The following ZNF33A variants were observed in gnomAD, a reference collection of about 807,000 sequenced individuals.
The protein encoded by ZNF33A is brain my041 protein.
ZNF33A carries 9 observed loss-of-function variants against 15.9 expected under a neutral mutation model. The ratio of observed to expected loss-of-function variants is 0.57; its 90% CI spans 0.34 to 0.99. The LOEUF (loss-of-function observed/expected upper bound fraction) is 0.99, where lower values mean the gene tolerates loss of function less well. ZNF33A is among the 50% of genes least tolerant of loss of function. The pLI is 0.02. For missense variants in ZNF33A, 843 were observed against 941.6 expected, an observed-to-expected ratio of 0.90 and a Z score of 1.37; for synonymous variants, 294 against 324.2, an observed-to-expected ratio of 0.91 and a Z score of 1.00.
chr10:38,061,568 A>G (rs2066654047), downstream of ZNF33A, among the ~76,000 whole-genome samples: 1 of 152,000 alleles, frequency 6.6e-6, no homozygotes, highest in African/African-American at 2.4e-5. Context: ...GCCACAGACT[A>G]CATGACCTTA....
chr10:38,026,833 C>T (rs772088438), intron 4 of ZNF33A, among the ~76,000 whole-genome samples: 6 of 152,148 alleles, frequency 3.9e-5, no homozygotes, highest in African/African-American at 1.4e-4. Flanking sequence ...CAGAAACTGT[C>T]GCCATTAAGC....
chr10:38,011,653 T>C (rs1274960211), intron 1 of ZNF33A, among the ~76,000 whole-genome samples: 1 of 152,204 alleles, frequency 6.6e-6, no homozygotes, highest in African/African-American at 2.4e-5. Flanking sequence ...TTTTTTTGTT[T>C]GTTAAGGTCA....
In ZNF33A at chr10:38,054,555, C is replaced by G; in HGVS notation, c.431C>G (p.Ser144Ter). The G allele has an allele frequency of 6.2e-7, 1 of 1,612,074 alleles. No homozygotes were observed. The highest frequency in any genetic ancestry group is 2.2e-5 in the East Asian group (1 of 44,832). The change falls in exon 5 of 5, where the codon TCA becomes TGA. Residue 144 changes from serine (S) to a stop codon, truncating the protein, a stop_gained. Transcript: ENST00000432900. LOFTEE classifies it low-confidence loss of function (END_TRUNC). ...PSRKMFCQCD[S>*]CGMSFNTVSE... ...AGAAAAATGTTCTGTCAGTGTGATTCATGTGGAATGAGTTTCAACACTGTT... is the reference window on the plus strand; with the variant it reads ...AGAAAAATGTTCTGTCAGTGTGATTGATGTGGAATGAGTTTCAACACTGTT...
chr10:38,066,864 G>A (rs1316900982), downstream of ZNF33A, among the ~76,000 whole-genome samples: 1 of 152,084 alleles, frequency 6.6e-6, no homozygotes, highest in African/African-American at 2.4e-5. Context: ...CCTGGGAGGT[G>A]GAGGTTGTAG....
At chr10:38,036,720 C>A (rs1263898401) in intron 4 of ZNF33A, among the ~76,000 whole-genome samples, 1 of 152,164 alleles carries the variant, frequency 6.6e-6, no homozygotes, top group Non-Finnish European at 1.5e-5. Context: ...TACTCAACAT[C>A]TCATTGGAAA....
chr10:38,063,384 A>G (rs192008177), downstream of ZNF33A, among the ~76,000 whole-genome samples: 1,007 of 152,340 alleles, frequency 6.6e-3, 16 homozygotes, highest in Non-Finnish European at 6.2e-3. Context: ...GAGGAGACAG[A>G]CAAAGACAAC....
At chr10:38,046,157 G>A (rs1413105650) in intron 4 of ZNF33A, among the ~76,000 whole-genome samples, 1 of 152,214 alleles carries the variant, frequency 6.6e-6, no homozygotes, top group East Asian at 1.9e-4. Context: ...ATTTGAAGCT[G>A]TAGGGGTTGA....
Position 38,054,720 on chromosome 10 carries a change from C to T in ZNF33A, c.596C>T (p.Thr199Ile), listed in dbSNP as rs141771287. The change falls in exon 5 of 5, where the codon ACA becomes ATA. Residue 199 changes from threonine to isoleucine, a missense_variant. Thr to Ile is a moderately conservative substitution (Grantham distance 89, BLOSUM62 -1). Coordinates refer to ENST00000432900, the MANE Select transcript of ZNF33A (RefSeq NM_006954.2). ...EKNEVLKNRN[T>I]LSHHEETLQH... ...AATGAAGTTTTGAAAAATAGGAACA[C>T]ACTGAGTCATCATGAGGAGACTTTG... is the stretch of plus-strand genomic sequence containing the variant. 2.0e-4 allele frequency: 326 copies of T among 1,613,714 alleles called. No individual in the cohort carries two copies. Among genetic ancestry groups the T allele is most frequent in the Non-Finnish European group, 2.6e-4 (311 of 1,179,968 alleles).
rs2064251618 is a variant in ZNF33A at position 38,012,716 on chromosome 10, G to T, written c.9+366G>T. ...CAAAGTGCTGGGATTACAAGCGTGA[G>T]GCACCGTGTCTGGCCAAGAGTCAAT... is the stretch of plus-strand genomic sequence containing the variant. On this transcript the variant is annotated intron_variant, in intron 2 of 4. Transcript: ENST00000432900. Among the ~76,000 whole-genome samples, 4 of 152,174 alleles carry T rather than the reference G, an allele frequency of 2.6e-5. No homozygotes were observed. The South Asian group carries it at 8.3e-4, about 32-fold the overall frequency.
downstream of ZNF33A, among the ~76,000 whole-genome samples, chr10:38,061,251 T>C (rs1312199319): frequency 6.6e-6 from 1 of 152,238 alleles, no homozygotes; most frequent in East Asian, 1.9e-4. Flanking sequence ...TAACAAGGCA[T>C]TCAGGAAGGG....
intron 4 of ZNF33A, among the ~76,000 whole-genome samples, chr10:38,044,544 A>G (rs552780489): frequency 6.6e-6 from 1 of 151,696 alleles, no homozygotes; most frequent in South Asian, 2.1e-4. Flanking sequence ...TGAGTTTTCC[A>G]TTGCAGTTAT....
chr10:38,051,257 C>G (rs144212652), intron 4 of ZNF33A, among the ~76,000 whole-genome samples: 1 of 152,010 alleles, frequency 6.6e-6, no homozygotes, highest in African/African-American at 2.4e-5. Flanking sequence ...CTAATATTCA[C>G]GAAGAATTAA....
At chr10:38,036,891 A>G (rs963226909) in intron 4 of ZNF33A, among the ~76,000 whole-genome samples, 4 of 152,276 alleles carry the variant, frequency 2.6e-5, no homozygotes, top group African/African-American at 7.2e-5. Flanking sequence ...GAAGCTTAAT[A>G]TAGAAAAATC....
intron 4 of ZNF33A, among the ~76,000 whole-genome samples, chr10:38,031,878 G>C (rs2065227696): frequency 6.6e-6 from 1 of 152,118 alleles, no homozygotes; most frequent in African/African-American, 2.4e-5. Context: ...CAGGAGAATT[G>C]CTTGAACCCG....
chr10:38,033,502 C>G (rs1488732035), intron 4 of ZNF33A, among the ~76,000 whole-genome samples: 1 of 152,138 alleles, frequency 6.6e-6, no homozygotes, highest in African/African-American at 2.4e-5. Context: ...TATGGTGACT[C>G]TGTGTTTAAC....
chr10:38,013,576 A>G (rs1442149157), intron 2 of ZNF33A, among the ~76,000 whole-genome samples: 2 of 151,168 alleles, frequency 1.3e-5, no homozygotes, highest in Non-Finnish European at 2.9e-5. Context: ...CTCCTGCCTC[A>G]ACCTCCCGAG....
At chr10:38,025,673 T>G (rs778634915) in intron 4 of ZNF33A, among the ~76,000 whole-genome samples, 6 of 152,254 alleles carry the variant, frequency 3.9e-5, no homozygotes, top group Non-Finnish European at 8.8e-5. Flanking sequence ...GGTATTTTGT[T>G]ATGGCAGCCG....
chr10:38,035,771 C>G (rs1183146270), intron 4 of ZNF33A, among the ~76,000 whole-genome samples: 1 of 151,950 alleles, frequency 6.6e-6, no homozygotes, highest in East Asian at 1.9e-4. Flanking sequence ...AAGAAATAAA[C>G]CATTCAAATG....
At chr10:38,025,705 T>C (rs1157938295) in intron 4 of ZNF33A, among the ~76,000 whole-genome samples, 3 of 152,222 alleles carry the variant, frequency 2.0e-5, no homozygotes, top group Non-Finnish European at 4.4e-5. Flanking sequence ...TTTGACAAAC[T>C]GTTGACAAAA....
Sources: allele counts gnomAD v4.1 joint callset (sites outside exome capture counted in the v4.1 genomes callset), GRCh38; gene constraint gnomAD v4.1.1; transcripts MANE v1.5; gene names NCBI Gene and HGNC (gene_info 2026-07-23, HGNC 2026-07-21).